COLEC10: variants seen among roughly 807,000 people sequenced by gnomAD.
COLEC10 encodes the protein collectin subfamily member 10, also known as collectin-10.
COLEC10 carries 22 observed loss-of-function variants against 28.4 expected under a neutral mutation model. That is an observed-to-expected ratio of 0.78 (90% confidence interval 0.55 to 1.11). COLEC10 has a LOEUF of 1.11. Among genes scored for constraint, COLEC10 ranks in the 50% least tolerant of loss-of-function variants. The pLI is 0.00. For synonymous variants in COLEC10, 125 were observed against 116.1 expected (o/e 1.08, Z -0.49); for missense variants, 361 against 344.1 (o/e 1.05, Z -0.39).
chr8:119,048,153 G>A (rs1050316421), intron 2 of COLEC10, among the ~76,000 whole-genome samples: 2 of 151,942 alleles, frequency 1.3e-5, no homozygotes, highest in African/African-American at 2.4e-5. Flanking sequence ...CTCCTTCCCC[G>A]CCTCTAGCAG....
chr8:118,957,018 C>T, the COLEC10 span, among the ~76,000 whole-genome samples: 3 of 152,226 alleles, frequency 2.0e-5, no homozygotes, highest in Non-Finnish European at 2.9e-5. Context: ...TTCCTATAAA[C>T]GCCTTACCCT....
intron 1 of COLEC10, among the ~76,000 whole-genome samples, chr8:119,089,038 C>T (rs901040067): frequency 2.6e-5 from 4 of 152,208 alleles, no homozygotes; most frequent in African/African-American, 9.7e-5. Flanking sequence ...TAAACTCAAT[C>T]ACCGGCCTGT....
intron 1 of COLEC10, among the ~76,000 whole-genome samples, chr8:119,083,505 A>T (rs887875378): frequency 6.6e-6 from 1 of 152,146 alleles, no homozygotes; most frequent in Non-Finnish European, 1.5e-5. Flanking sequence ...AAGCCCAGGG[A>T]GTGGATACCA....
chr8:119,018,606 A>G (rs1447807755), intron 2 of COLEC10, among the ~76,000 whole-genome samples: 3 of 152,114 alleles, frequency 2.0e-5, no homozygotes, highest in Non-Finnish European at 2.9e-5. Context: ...TCTGAAAACA[A>G]AAAATGGATA....
At chr8:119,040,224 G>A (rs1457881792) in intron 2 of COLEC10, among the ~76,000 whole-genome samples, 1 of 151,776 alleles carries the variant, frequency 6.6e-6, no homozygotes, top group African/African-American at 2.4e-5. Flanking sequence ...TAACGTGCAG[G>A]CAAAAAAAGG....
intron 4 of COLEC10, 101 bp downstream of exon 4, chr8:119,102,502 T>C: frequency 1.0e-6 from 1 of 988,166 alleles, no homozygotes; most frequent in Non-Finnish European, 1.5e-6. Context: ...GTCCTTTTAG[T>C]ATGCTTAACC....
intron 2 of COLEC10, among the ~76,000 whole-genome samples, chr8:119,031,669 A>G (rs1295287541): frequency 2.0e-5 from 3 of 152,182 alleles, no homozygotes; most frequent in Admixed American, 1.3e-4. Context: ...ATACTTTCCC[A>G]TTCCCCTATA....
chr8:118,963,212 A>T, the COLEC10 span, among the ~76,000 whole-genome samples: 2 of 152,220 alleles, frequency 1.3e-5, no homozygotes, highest in Non-Finnish European at 2.9e-5. Flanking sequence ...CATTTATAGA[A>T]TATCCATTAA....
the COLEC10 span, among the ~76,000 whole-genome samples, chr8:118,962,154 G>C: frequency 6.6e-6 from 1 of 152,176 alleles, no homozygotes; most frequent in Non-Finnish European, 1.5e-5. Context: ...GGTCTGCTGG[G>C]GCAGCACGTT....
At chr8:119,057,743 T>A in intron 2 of COLEC10, among the ~76,000 whole-genome samples, 1 of 152,126 alleles carries the variant, frequency 6.6e-6, no homozygotes, top group Middle Eastern at 3.2e-3. Flanking sequence ...CCCATCATTA[T>A]ATGCCTATAC....
chr8:119,071,152 G>A (rs1041006150), intron 1 of COLEC10, among the ~76,000 whole-genome samples: 2 of 152,180 alleles, frequency 1.3e-5, no homozygotes, highest in Admixed American at 1.3e-4. Flanking sequence ...ATGACATCAC[G>A]AAACCTCACA....
intron 2 of COLEC10, among the ~76,000 whole-genome samples, chr8:119,057,482 G>C (rs1814785264): frequency 6.6e-6 from 1 of 151,814 alleles, no homozygotes. Context: ...CTCTCCTCAG[G>C]GTCCCTATAA....
rs2130110783 is a variant in COLEC10, at chr8:119,022,693, C to T, written n.235+13140C>T. Among the ~76,000 whole-genome samples the T allele has an allele frequency of 2.0e-5, 3 of 152,154 alleles. No individual in the cohort carries two copies. In the East Asian group the frequency reaches 5.8e-4, roughly 29 times the overall value. On this transcript the variant is annotated intron_variant and non_coding_transcript_variant, in intron 2 of 6. Coordinates refer to the COLEC10 transcript ENST00000521788. Reference sequence around the variant, plus strand: ...TCACCTGGATTGTTGCAGGAGCCTCCTAACCTCTACTCTTCTTGCATAATA... The same window carrying T: ...TCACCTGGATTGTTGCAGGAGCCTCTTAACCTCTACTCTTCTTGCATAATA...
the COLEC10 span, among the ~76,000 whole-genome samples, chr8:118,954,589 T>C: frequency 1.3e-5 from 2 of 152,240 alleles, no homozygotes; most frequent in Non-Finnish European, 2.9e-5. Flanking sequence ...AAGCAGAATG[T>C]TCCGTAACTT....
the COLEC10 span, among the ~76,000 whole-genome samples, chr8:118,971,689 T>C: frequency 6.6e-6 from 1 of 152,008 alleles, no homozygotes; most frequent in Non-Finnish European, 1.5e-5. Context: ...TAAAAAATGT[T>C]GAAGTCTGGT....
the COLEC10 span, among the ~76,000 whole-genome samples, chr8:118,977,717 G>A: frequency 6.9e-6 from 1 of 144,362 alleles, no homozygotes; most frequent in Non-Finnish European, 1.5e-5. Context: ...TGCACATTGT[G>A]CACATGTACC....
intron 2 of COLEC10, among the ~76,000 whole-genome samples, chr8:119,048,014 T>C (rs887901819): frequency 6.6e-6 from 1 of 152,222 alleles, no homozygotes; most frequent in Non-Finnish European, 1.5e-5. Flanking sequence ...GGGGGTTTTT[T>C]AAATTATCTT....
chr8:119,072,233 T>A (rs948489819), intron 1 of COLEC10, among the ~76,000 whole-genome samples: 1 of 152,104 alleles, frequency 6.6e-6, no homozygotes. Context: ...AATCACCACA[T>A]CCAATGGGGT....
chr8:119,009,471 C>T (rs75243458), exon 2 of COLEC10: 6,808 of 150,772 alleles, frequency 0.045, 423 homozygotes, highest in East Asian at 0.16. Context: ...TTCTCTGCCA[C>T]GTAATGACAC....
Sources: gnomAD v4.1 joint callset for allele counts (sites outside exome capture counted in the v4.1 genomes callset) on GRCh38, gnomAD v4.1.1 for gene constraint, MANE v1.5 for transcripts, NCBI Gene and HGNC (gene_info 2026-07-23, HGNC 2026-07-21) for gene names.